Variants in RBFOX1 observed in about 807,000 individuals in gnomAD.
RBFOX1 encodes RNA binding protein fox-1 homolog 1.
In RBFOX1, 8 loss-of-function variants were observed where a neutral mutation model predicts 57.7. That is an observed-to-expected ratio of 0.14 (90% CI 0.08 to 0.25). RBFOX1 has a LOEUF of 0.25. Ranked by LOEUF, RBFOX1 falls within the 10% of genes least tolerant of loss-of-function variation. The probability of loss-of-function intolerance (pLI) is 1.00; values close to 1 mark genes in which losing one functional copy is unlikely to be tolerated. For synonymous variants in RBFOX1, 326 were observed against 222.4 expected, an observed-to-expected ratio of 1.47 and a Z score of -4.15; for missense variants, 611 against 548.5, an observed-to-expected ratio of 1.11 and a Z score of -1.14.
chr16:6,790,526 A>T lies in RBFOX1; in HGVS notation c.-16+135876A>T, dbSNP rs375666643. Among the ~76,000 whole-genome samples, 54 of 152,260 alleles carry T rather than the reference A, an allele frequency of 3.5e-4. 1 individual carries two copies. In the South Asian group the frequency reaches 9.9e-3, roughly 28 times the overall value. On this transcript the variant is annotated intron_variant, in intron 3 of 15. Transcript: ENST00000550418. ...TTGTTTTGTTTGCATCATAGTTTGC[A>T]AAGTGTGGTTCTCCTTTCCTATTTA...
intron 14 of RBFOX1, among the ~76,000 whole-genome samples, chr16:7,696,147 TGA>T (rs763395086): frequency 1.1e-4 from 16 of 152,202 alleles, no homozygotes; most frequent in Non-Finnish European, 2.2e-4. Context: ...TTGTGGTCTG[TGA>T]GACTAATTTA....
At chr16:5,651,447 A>C (rs1356788782) in intron 3 of RBFOX1, among the ~76,000 whole-genome samples, 1 of 152,242 alleles carries the variant, frequency 6.6e-6, no homozygotes, top group South Asian at 2.1e-4. Context: ...CCCCAGGTAG[A>C]CACACACAGA....
At position 7,315,462 on chromosome 16, in the gene RBFOX1, C is replaced by T. The variant is rs4491517; in HGVS notation, c.28-202685C>T. Among the ~76,000 whole-genome samples the T allele has an allele frequency of 1.6e-4, 23 of 148,056 alleles. 1 individual carries two copies. The highest frequency in any genetic ancestry group is 3.2e-3 in the Middle Eastern group (1 of 316). The stretch of plus-strand genomic sequence containing the variant: ...TAAAGCCCTACTCTACCCTACCCCC[C>T]CCCCCATACTGGGGGCTTGAATTTC... On this transcript the variant is annotated intron_variant, in intron 4 of 15. Transcript: ENST00000550418.
At chr16:6,794,097 G>A (rs963780507) in intron 3 of RBFOX1, among the ~76,000 whole-genome samples, 1 of 152,052 alleles carries the variant, frequency 6.6e-6, no homozygotes, top group East Asian at 1.9e-4. Context: ...TGAACTATAA[G>A]TTTAGGGAGC....
At chr16:5,897,553 G>T (rs1329809513) in intron 4 of RBFOX1, among the ~76,000 whole-genome samples, 2 of 152,116 alleles carry the variant, frequency 1.3e-5, no homozygotes, top group Non-Finnish European at 2.9e-5. Flanking sequence ...GATGACCCCC[G>T]GGGTTTGCTC....
At chr16:6,409,401 C>T (rs1287307804) in intron 2 of RBFOX1, among the ~76,000 whole-genome samples, 1 of 152,052 alleles carries the variant, frequency 6.6e-6, no homozygotes, top group Non-Finnish European at 1.5e-5. Context: ...GCAACGGGAG[C>T]GAAACCCGGT....
intron 14 of RBFOX1, among the ~76,000 whole-genome samples, chr16:7,698,970 A>G (rs935365963): frequency 6.6e-6 from 1 of 152,142 alleles, no homozygotes; most frequent in Non-Finnish European, 1.5e-5. Context: ...GCAGAATTTT[A>G]AAAAATGGAA....
intron 1 of RBFOX1, among the ~76,000 whole-genome samples, chr16:6,308,770 C>A (rs1018773396): frequency 6.6e-6 from 1 of 152,118 alleles, no homozygotes; most frequent in African/African-American, 2.4e-5. Context: ...ATAAGAGATG[C>A]AAATGCTGTC....
chr16:5,909,351 C>G (rs1387885428), intron 4 of RBFOX1, among the ~76,000 whole-genome samples: 6 of 152,128 alleles, frequency 3.9e-5, no homozygotes, highest in Admixed American at 3.9e-4. Flanking sequence ...CTTGGCCTCC[C>G]AAAGTGCTGG....
At chr16:6,711,943 C>T (rs1331600526) in intron 3 of RBFOX1, among the ~76,000 whole-genome samples, 2 of 152,148 alleles carry the variant, frequency 1.3e-5, no homozygotes, top group Non-Finnish European at 2.9e-5. Context: ...CATTTCTTGT[C>T]TCCCATTCTT....
chr16:7,489,334 A>G (rs951285863), intron 4 of RBFOX1, among the ~76,000 whole-genome samples: 4 of 152,308 alleles, frequency 2.6e-5, no homozygotes, highest in Middle Eastern at 6.8e-3. Flanking sequence ...TTTGGCAAGT[A>G]TTTCATAATT....
intron 3 of RBFOX1, among the ~76,000 whole-genome samples, chr16:6,873,005 G>C (rs541095247): frequency 2.9e-4 from 44 of 152,074 alleles, no homozygotes; most frequent in Admixed American, 5.2e-4. Flanking sequence ...ATCTTATAAA[G>C]ATAATTAGAT....
intron 4 of RBFOX1, among the ~76,000 whole-genome samples, chr16:7,232,499 T>A (rs566263093): frequency 6.6e-5 from 10 of 152,262 alleles, no homozygotes; most frequent in African/African-American, 2.4e-4. Flanking sequence ...CACACACATA[T>A]GCCCACTTGT....
At chr16:6,855,195 A>G (rs1018565067) in intron 3 of RBFOX1, among the ~76,000 whole-genome samples, 3 of 152,106 alleles carry the variant, frequency 2.0e-5, no homozygotes, top group East Asian at 1.9e-4. Flanking sequence ...CCAGTACCCA[A>G]TATAGTACCT....
At chr16:7,419,082 A>G (rs1049958235) in intron 4 of RBFOX1, among the ~76,000 whole-genome samples, 3 of 151,482 alleles carry the variant, frequency 2.0e-5, no homozygotes, top group African/African-American at 7.3e-5. Context: ...TTTTTTTTGT[A>G]TTTTTACTAG....
At chr16:5,806,951 A>G (rs181979449) in intron 3 of RBFOX1, among the ~76,000 whole-genome samples, 7 of 152,106 alleles carry the variant, frequency 4.6e-5, no homozygotes, top group Admixed American at 3.3e-4. Context: ...CAGGATCTCC[A>G]GGAAGAGAAG....
At chr16:6,688,287 C>G (rs1428691818) in intron 3 of RBFOX1, among the ~76,000 whole-genome samples, 2 of 152,012 alleles carry the variant, frequency 1.3e-5, no homozygotes, top group Admixed American at 6.6e-5. Context: ...CTCATGAGAA[C>G]TCAGTATCAT....
At chr16:7,278,493 A>G (rs1035450538) in intron 4 of RBFOX1, among the ~76,000 whole-genome samples, 2 of 152,206 alleles carry the variant, frequency 1.3e-5, no homozygotes, top group Non-Finnish European at 2.9e-5. Flanking sequence ...GATCTGTCCA[A>G]TATTACCAGC....
At chr16:6,153,033 G>GT (rs59957159) in intron 1 of RBFOX1, among the ~76,000 whole-genome samples, 37,777 of 127,910 alleles carry the variant, frequency 0.3, 5,728 homozygotes, top group East Asian at 0.64. Flanking sequence ...GTTATTTTCT[G>GT]TTTTTTTTTT....
Sources: gnomAD v4.1 joint callset for allele counts (sites outside exome capture counted in the v4.1 genomes callset) on GRCh38, gnomAD v4.1.1 for gene constraint, MANE v1.5 for transcripts, NCBI Gene and HGNC (gene_info 2026-07-23, HGNC 2026-07-21) for gene names.